Variants in DCTN1 observed in about 807,000 individuals in gnomAD.
DCTN1 encodes the protein dynactin subunit 1.
DCTN1 carries 61 observed loss-of-function variants against 161.2 expected under a neutral mutation model. That is an observed-to-expected ratio of 0.38 (90% CI 0.31 to 0.47). DCTN1 has a LOEUF of 0.47. Ranked by LOEUF, DCTN1 falls within the 20% of genes least tolerant of loss-of-function variation. The pLI is 0.99. For missense variants in DCTN1, 1,404 were observed against 1,623.7 expected (o/e 0.86, Z 2.33); for synonymous variants, 653 against 632.4 (o/e 1.03, Z -0.49).
chr2:74,364,830 C>A (rs184193813), intron 26 of DCTN1: 328 of 561,194 alleles, frequency 5.8e-4, no homozygotes, highest in Middle Eastern at 5.4e-3. Flanking sequence ...TAGAGACCAA[C>A]TGTCATCATT....
intron 5 of DCTN1, among the ~76,000 whole-genome samples, chr2:74,374,989 C>T (rs1048656376): frequency 2.0e-5 from 3 of 152,196 alleles, no homozygotes; most frequent in Non-Finnish European, 4.4e-5. Context: ...TCTCATCATA[C>T]TCACATTCTG....
At chr2:74,386,360 A>T (rs1306805682) in intron 1 of DCTN1, among the ~76,000 whole-genome samples, 1 of 152,270 alleles carries the variant, frequency 6.6e-6, no homozygotes, top group Non-Finnish European at 1.5e-5. Context: ...TCTGGAAGAA[A>T]GGGATAATAA....
Position 74,362,712 on chromosome 2 carries a change from C to T in DCTN1, c.3547G>A (p.Ala1183Thr), listed in dbSNP as rs886056329. Residue 1183 changes from alanine (A) to threonine (T), a missense_variant, in exon 30 of 32, where the codon GCC (alanine) becomes ACC (threonine). This residue lies in a region of DCTN1 where 311 missense variants were observed against 298.9 expected (regional missense o/e 1.04). Transcript: ENST00000628224. ...TGAGCCACTTGCTCCATAAGTTGGG[C>T]CGACGGGCTCTTGGCAGCTGTGGGG... ...RTSPAAKSPS[A>T]QLMEQVAQLK... The T allele has an allele frequency of 6.2e-7, 1 of 1,613,966 alleles. No individual in the cohort carries two copies. Among genetic ancestry groups the T allele is most frequent in the Non-Finnish European group, 8.5e-7 (1 of 1,179,996 alleles).
At chr2:74,363,679 A>G in intron 26 of DCTN1, 51 bp from the exon 27 acceptor site, 1 of 1,611,276 alleles carries the variant, frequency 6.2e-7, no homozygotes, top group Non-Finnish European at 8.5e-7. Flanking sequence ...GAGAGGAGTT[A>G]GGTGATTTGG....
At position 74,367,543 on chromosome 2, in the gene DCTN1, C is replaced by A. The variant is rs1399153053; in HGVS notation, c.2185-123G>T. On this transcript the variant is annotated intron_variant, in intron 18 of 31. Coordinates refer to ENST00000628224, the MANE Select transcript of DCTN1 (RefSeq NM_004082.5). The stretch of plus-strand genomic sequence containing the variant: ...GAGGTACAAGAGAATCCAAAGCCCT[C>A]AAGCAGCTGCATCATATGGAGAGTT... 4 of 1,470,040 alleles carry A rather than the reference C, an allele frequency of 2.7e-6. No homozygotes were observed. The African/African-American group carries it at 5.6e-5, about 20-fold the overall frequency. 91.1% of individuals were successfully genotyped at this position (1,470,040 alleles called of 1,614,324 possible).
At position 74,369,448 on chromosome 2, in the gene DCTN1, C is replaced by A; in HGVS notation, c.1436G>T (p.Arg479Leu). 6.2e-7 allele frequency: 1 copy of A among 1,614,154 alleles called. No homozygotes were observed. The highest frequency in any genetic ancestry group is 1.3e-5 in the African/African-American group (1 of 75,058). ...EMNDELQENA[R>L]ETELELREQL... ...CTCCCGCAGCTCCAGTTCTGTCTCA[C>A]GTGCATTCTCCTGCAGCTCATCGTT... Residue 479 changes from arginine to leucine, a missense_variant, in exon 14 of 32, where the codon CGT (arginine) becomes CTT (leucine). By Grantham distance (102) the Arg-to-Leu change is moderately radical. Transcript: ENST00000628224. The surrounding 1 kb of genome is among the most constrained non-coding windows in gnomAD (Gnocchi z 4.9).
chr2:74,363,274 C>A lies in DCTN1; in HGVS notation c.3345+20G>T. The A allele has an allele frequency of 6.2e-7, 1 of 1,614,110 alleles. No individual in the cohort carries two copies. The highest frequency in any genetic ancestry group is 8.5e-7 in the Non-Finnish European group (1 of 1,180,012). ...AATATGCTCCATCTCCCATCCCAGT[C>A]CTCCCCGTGGCTCCCTCACCTTGAG... On this transcript the variant is annotated intron_variant, in intron 28 of 31. Transcript: ENST00000628224.
upstream of DCTN1, among the ~76,000 whole-genome samples, chr2:74,382,868 C>T (rs893101243): frequency 6.6e-6 from 1 of 150,386 alleles, no homozygotes; most frequent in Admixed American, 6.6e-5. Context: ...GTCAGGAGAT[C>T]GAGACCATCC....
chr2:74,382,237 A>G (rs1032899150), upstream of DCTN1, among the ~76,000 whole-genome samples: 3 of 152,250 alleles, frequency 2.0e-5, no homozygotes, highest in African/African-American at 7.2e-5. Flanking sequence ...TTATTTTCCT[A>G]TGAAATGAAA....
Position 74,369,279 on chromosome 2 carries a change from G to A in DCTN1, c.1584+21C>T. ...AAGCCCTGGGGTGATGGTGGGCAGA[G>A]AGCAAACAGTGGGCATGTACCTGTA... On this transcript the variant is annotated intron_variant, in intron 14 of 31. Coordinates refer to ENST00000628224, the MANE Select transcript of DCTN1 (RefSeq NM_004082.5). The surrounding 1 kb of genome is among the most constrained non-coding windows in gnomAD (Gnocchi z 4.9). 3 of 1,614,232 alleles carry A rather than the reference G, an allele frequency of 1.9e-6. No homozygotes were observed. Among genetic ancestry groups the A allele is most frequent in the Non-Finnish European group, 2.5e-6 (3 of 1,180,030 alleles).
chr2:74,390,731 T>A, intron 1 of DCTN1: 1 of 373,188 alleles, frequency 2.7e-6, no homozygotes, highest in South Asian at 2.0e-5. Flanking sequence ...CCTGGGAACT[T>A]GTTAGAAATG....
rs1673980526 is a variant in DCTN1, at chr2:74,361,452, G to C, written c.*47C>G. ...AGGTGGCTGTGCATCGGGCAGAGCG[G>C]CACCAGAGGGCTGAGGGTCGAAGGG... On this transcript the variant is annotated 3_prime_UTR_variant, in exon 32 of 32. Transcript: ENST00000628224. 1 of 1,612,724 alleles carries C rather than the reference G, an allele frequency of 6.2e-7. No individual in the cohort carries two copies. The highest frequency in any genetic ancestry group is 1.1e-5 in the South Asian group (1 of 91,006).
At chr2:74,391,818 C>A in exon 1 of DCTN1, 1 of 453,952 alleles carries the variant, frequency 2.2e-6, no homozygotes, top group South Asian at 1.6e-5. Context: ...GCTCCGCGCC[C>A]AGCTCCGACC....
intron 18 of DCTN1, 86 bp downstream of exon 18, chr2:74,367,610 A>G (rs1234173465): frequency 1.3e-6 from 2 of 1,596,304 alleles, no homozygotes; most frequent in Admixed American, 1.7e-5. Context: ...AGCATGGGAC[A>G]TACAACCTTG....
intron 15 of DCTN1, 32 bp from the exon 16 acceptor site, chr2:74,368,912 C>A (rs1001759448): frequency 6.2e-7 from 1 of 1,613,492 alleles, no homozygotes; most frequent in Non-Finnish European, 8.5e-7. Flanking sequence ...GGACTCTTAG[C>A]CAGAGCTGAA....
Position 74,361,280 on chromosome 2 carries a change from C to T in DCTN1, c.*219G>A. The T allele has an allele frequency of 1.4e-6, 1 of 714,516 alleles. No homozygotes were observed. The highest frequency in any genetic ancestry group is 2.5e-6 in the Non-Finnish European group (1 of 404,630). The allele number at this position is 714,516 out of a possible 1,614,324, so 44.3% of individuals were successfully genotyped here. A position where few individuals can be genotyped will look rare whatever the true frequency, so the allele number is the denominator to read the frequency against. On this transcript the variant is annotated 3_prime_UTR_variant, in exon 32 of 32. Transcript: ENST00000628224. ...CTGAGGCCCCTCAGGAAGGAGGGAG[C>T]AGTTGAACAACAAATTATGGCAGAG...
At chr2:74,382,844 G>A (rs1003809234), upstream of DCTN1, among the ~76,000 whole-genome samples, 6 of 151,458 alleles carry the variant, frequency 4.0e-5, no homozygotes, top group Admixed American at 6.6e-5. Flanking sequence ...AGGCCGAGGC[G>A]GGTGGATCAT....
At chr2:74,364,739 C>T in intron 26 of DCTN1, 1 of 391,906 alleles carries the variant, frequency 2.6e-6, no homozygotes. Context: ...AGAGTCAGCC[C>T]AGCCTGCTGC....
chr2:74,391,727 G>A (rs1291236376), intron 1 of DCTN1: 4 of 446,396 alleles, frequency 9.0e-6, no homozygotes, highest in Non-Finnish European at 1.8e-5. Flanking sequence ...CCAGCCCACC[G>A]CCGGCAACCT....
Sources: allele counts gnomAD v4.1 joint callset (sites outside exome capture counted in the v4.1 genomes callset), GRCh38; gene constraint gnomAD v4.1.1; regional missense constraint gnomAD v4.1.1; non-coding constraint Gnocchi (gnomAD v3.1); transcripts MANE v1.5; gene names NCBI Gene and HGNC (gene_info 2026-07-23, HGNC 2026-07-21).